TBCK: variants seen among roughly 807,000 people sequenced by gnomAD.
TBCK encodes TBC domain-containing protein kinase-like protein.
Under a neutral mutation model 113.4 loss-of-function variants are expected in TBCK, and 99 were observed. The ratio of observed to expected loss-of-function variants is 0.87; its 90% CI spans 0.74 to 1.03. The LOEUF (loss-of-function observed/expected upper bound fraction) is 1.03. Among genes scored for constraint, TBCK ranks in the 50% least tolerant of loss-of-function variants. The pLI, the probability that TBCK is intolerant of heterozygous loss-of-function variation, is 0.00. For missense variants in TBCK, 1,045 were observed against 1,061.3 expected (o/e 0.98, Z 0.21); for synonymous variants, 369 against 370.8 (o/e 1.00, Z 0.05).
chr4:106,127,228 A>G (rs1745330928), intron 23 of TBCK, among the ~76,000 whole-genome samples: 4 of 148,730 alleles, frequency 2.7e-5, no homozygotes, highest in Admixed American at 1.3e-4. Flanking sequence ...AAAAAAAAAA[A>G]GAAGTTAGGT....
At chr4:106,122,787 T>G (rs1744611683) in intron 23 of TBCK, among the ~76,000 whole-genome samples, 1 of 152,020 alleles carries the variant, frequency 6.6e-6, no homozygotes, top group African/African-American at 2.4e-5. Context: ...CATGATTATC[T>G]CAATAGATGC....
chr4:106,125,585 TAA>T (rs1359945343), intron 23 of TBCK, among the ~76,000 whole-genome samples: 9 of 152,210 alleles, frequency 5.9e-5, no homozygotes, highest in African/African-American at 2.2e-4. Flanking sequence ...GTCATCATGT[TAA>T]GTGAAATAAG....
chr4:106,070,887 C>A (rs1737335274), intron 25 of TBCK, among the ~76,000 whole-genome samples: 1 of 151,970 alleles, frequency 6.6e-6, no homozygotes, highest in Non-Finnish European at 1.5e-5. Context: ...TGTATGTGTC[C>A]AGGAATTTAT....
At chr4:106,079,305 C>T (rs11097912) in intron 25 of TBCK, among the ~76,000 whole-genome samples, 48,722 of 151,994 alleles carry the variant, frequency 0.32, 8,010 homozygotes, top group African/African-American at 0.37. Context: ...TTCAACATAG[C>T]ACTGGAAGTC....
At chr4:106,107,865 T>A (rs1289220876) in intron 24 of TBCK, among the ~76,000 whole-genome samples, 1 of 151,886 alleles carries the variant, frequency 6.6e-6, no homozygotes, top group Non-Finnish European at 1.5e-5. Context: ...TTTGAAAAAA[T>A]TAACAAGATA....
At chr4:106,304,997 C>G (rs1767355197) in intron 2 of TBCK, among the ~76,000 whole-genome samples, 1 of 152,196 alleles carries the variant, frequency 6.6e-6, no homozygotes, top group African/African-American at 2.4e-5. Flanking sequence ...AGCCTCAATT[C>G]TAACTACCTC....
intron 19 of TBCK, among the ~76,000 whole-genome samples, chr4:106,227,184 C>A (rs1049926660): frequency 3.3e-5 from 5 of 151,964 alleles, no homozygotes; most frequent in African/African-American, 4.8e-5. Context: ...ATGGATTTTG[C>A]GTTTCAAAAT....
intron 23 of TBCK, among the ~76,000 whole-genome samples, chr4:106,159,309 A>G (rs946154229): frequency 2.6e-5 from 4 of 152,146 alleles, no homozygotes; most frequent in African/African-American, 9.6e-5. Flanking sequence ...GGCAAGAAAA[A>G]GAAAAGCCAT....
intron 19 of TBCK, among the ~76,000 whole-genome samples, chr4:106,219,609 A>G (rs1438869276): frequency 6.6e-6 from 1 of 152,082 alleles, no homozygotes; most frequent in Non-Finnish European, 1.5e-5. Flanking sequence ...GCACTAATCT[A>G]AACAAGATAG....
chr4:106,171,179 T>G lies in TBCK; in HGVS notation c.2151A>C (p.Pro717=), dbSNP rs1401544899. The change falls in exon 23 of 26, where the codon CCA becomes CCC. Residue 717 remains proline, a synonymous_variant. Transcript: ENST00000394708. The part of the protein sequence containing the change: ...SATYRQHAQP[P]KPSSDSSGGR... ...CTCCACTGCTGTCAGAAGATGGCTT[T>G]GGAGGTTGAGCATGCTGTCTGTAAG... 6.2e-7 allele frequency: 1 copy of G among 1,612,864 alleles called. No homozygotes were observed. The highest frequency in any genetic ancestry group is 1.1e-5 in the South Asian group (1 of 90,868).
At chr4:106,077,272 A>G (rs1488878995) in intron 25 of TBCK, among the ~76,000 whole-genome samples, 1 of 152,234 alleles carries the variant, frequency 6.6e-6, no homozygotes, top group South Asian at 2.1e-4. Flanking sequence ...TTAAGTCTAC[A>G]TAACAACCAG....
At chr4:106,238,859 G>T (rs1438254776) in intron 12 of TBCK, 2 of 152,082 alleles carry the variant, frequency 1.3e-5, no homozygotes, top group East Asian at 3.9e-4. Context: ...TCAATTAAAA[G>T]GTAATTATCT....
rs9995663 is a variant in TBCK, at chr4:106,095,789, C to A, written c.2412-148G>T. ...TTTATCTAAATGAAGTAAGGCACCT[C>A]CAGGAGAAAAAAAAAAGTTAAATTT... On this transcript the variant is annotated intron_variant, in intron 24 of 25. Coordinates refer to ENST00000394708, the MANE Select transcript of TBCK (RefSeq NM_001163435.3). 1.0e-3 allele frequency: 526 copies of A among 523,292 alleles called. No homozygotes were observed. The African/African-American group carries it at 0.011, about 11-fold the overall frequency. 32.4% of individuals were successfully genotyped at this position (523,292 alleles called of 1,614,324 possible).
chr4:106,269,412 T>C (rs370941662), intron 3 of TBCK, among the ~76,000 whole-genome samples: 71 of 152,114 alleles, frequency 4.7e-4, no homozygotes, highest in South Asian at 3.1e-3. Flanking sequence ...TTGACACTTA[T>C]CACTTACTAA....
intron 25 of TBCK, among the ~76,000 whole-genome samples, chr4:106,068,948 A>C (rs933045720): frequency 1.3e-5 from 2 of 151,918 alleles, no homozygotes; most frequent in African/African-American, 4.8e-5. Context: ...TCTTCTTTTG[A>C]GAAGTGTCTG....
chr4:106,133,235 C>A (rs904536723), intron 23 of TBCK, among the ~76,000 whole-genome samples: 21 of 152,214 alleles, frequency 1.4e-4, no homozygotes, highest in South Asian at 8.3e-4. Context: ...GGGGTCCTTT[C>A]CCCCATACTG....
chr4:106,172,919 T>G (rs1483741494), intron 22 of TBCK, among the ~76,000 whole-genome samples: 1 of 152,138 alleles, frequency 6.6e-6, no homozygotes, highest in Admixed American at 6.6e-5. Flanking sequence ...AGTGATTTGT[T>G]AAGTATGTTA....
intron 20 of TBCK, among the ~76,000 whole-genome samples, chr4:106,202,870 A>C (rs1261551905): frequency 6.6e-6 from 1 of 152,088 alleles, no homozygotes; most frequent in East Asian, 1.9e-4. Context: ...TGCTAAAAGG[A>C]TATATGAGAG....
chr4:106,153,941 A>T (rs1295028184), intron 23 of TBCK, among the ~76,000 whole-genome samples: 5 of 151,762 alleles, frequency 3.3e-5, no homozygotes, highest in Admixed American at 1.3e-4. Flanking sequence ...TTTAGTCAAC[A>T]TGTGTCTTTA....
Sources: allele counts gnomAD v4.1 joint callset (sites outside exome capture counted in the v4.1 genomes callset), GRCh38; gene constraint gnomAD v4.1.1; transcripts MANE v1.5; gene names NCBI Gene and HGNC (gene_info 2026-07-23, HGNC 2026-07-21).